Variants in SEMA5A observed in about 807,000 individuals in gnomAD.
SEMA5A encodes semaphorin-5A.
In SEMA5A, 55 loss-of-function variants were observed where a neutral mutation model predicts 135.5. The ratio of observed to expected loss-of-function variants is 0.41; its 90% confidence interval spans 0.33 to 0.51. The LOEUF is 0.51. SEMA5A is among the 20% of genes least tolerant of loss of function. The pLI, the probability that SEMA5A is intolerant of heterozygous loss-of-function variation, is 0.37. For synonymous variants in SEMA5A, 580 were observed against 546.5 expected (o/e 1.06, Z -0.85); for missense variants, 1,290 against 1,419.9 (o/e 0.91, Z 1.47).
chr5:9,439,075 C>T (rs3798017), intron 1 of SEMA5A, among the ~76,000 whole-genome samples: 5,916 of 152,160 alleles, frequency 0.039, 212 homozygotes, highest in South Asian at 0.15. Context: ...CTGCCTGAGA[C>T]GCCCCAGCAG....
At chr5:9,270,204 T>G (rs1749899050) in intron 5 of SEMA5A, among the ~76,000 whole-genome samples, 1 of 152,114 alleles carries the variant, frequency 6.6e-6, no homozygotes, top group South Asian at 2.1e-4. Context: ...TTGTCACAAT[T>G]TGCTGATGGA....
chr5:9,122,112 TA>T (rs1037247548), intron 14 of SEMA5A, among the ~76,000 whole-genome samples: 2 of 151,898 alleles, frequency 1.3e-5, no homozygotes, highest in East Asian at 1.9e-4. Flanking sequence ...AATATAGTTG[TA>T]AAAAAAATAA....
chr5:9,243,312 C>G (rs1466157876), intron 5 of SEMA5A, among the ~76,000 whole-genome samples: 1 of 152,178 alleles, frequency 6.6e-6, no homozygotes, highest in African/African-American at 2.4e-5. Context: ...CCTCACTCAT[C>G]GCATGGTGTT....
intron 2 of SEMA5A, among the ~76,000 whole-genome samples, chr5:9,408,496 C>T (rs1756984075): frequency 6.6e-6 from 1 of 152,140 alleles, no homozygotes; most frequent in Non-Finnish European, 1.5e-5. Context: ...TACTGAATTG[C>T]TCACAAATTA....
At chr5:9,512,633 G>A (rs918388820) in intron 1 of SEMA5A, among the ~76,000 whole-genome samples, 2 of 152,008 alleles carry the variant, frequency 1.3e-5, no homozygotes, top group African/African-American at 2.4e-5. Context: ...TCTGCTGCAC[G>A]GTGTTGAGTA....
At chr5:9,119,181 G>A (rs765266992) in intron 14 of SEMA5A, 40 bp from the exon 15 acceptor site, 2 of 1,601,302 alleles carry the variant, frequency 1.2e-6, no homozygotes, top group African/African-American at 1.3e-5. Flanking sequence ...GGTCCCGCAG[G>A]CTCAGAGTCC....
intron 4 of SEMA5A, among the ~76,000 whole-genome samples, chr5:9,329,524 TAAAGTA>T (rs1181562746): frequency 6.6e-6 from 1 of 152,242 alleles, no homozygotes; most frequent in Admixed American, 6.5e-5. Flanking sequence ...CTTCCTGGCA[TAAAGTA>T]GGTTCAATAA....
intron 5 of SEMA5A, among the ~76,000 whole-genome samples, chr5:9,241,267 C>T (rs554112075): frequency 6.6e-6 from 1 of 152,074 alleles, no homozygotes; most frequent in East Asian, 1.9e-4. Flanking sequence ...TATGCAAATA[C>T]ATTAATTATC....
At chr5:9,311,959 G>A (rs868612961) in intron 5 of SEMA5A, among the ~76,000 whole-genome samples, 18 of 152,106 alleles carry the variant, frequency 1.2e-4, no homozygotes, top group South Asian at 4.2e-4. Flanking sequence ...ATTTATTTCC[G>A]TTAGAAACAA....
chr5:9,221,463 C>G (rs371147232), intron 8 of SEMA5A, among the ~76,000 whole-genome samples: 1 of 151,650 alleles, frequency 6.6e-6, no homozygotes, highest in Non-Finnish European at 1.5e-5. Flanking sequence ...CCACCACGCC[C>G]GGCTAATTTT....
intron 12 of SEMA5A, among the ~76,000 whole-genome samples, chr5:9,148,012 A>G (rs1161641940): frequency 6.6e-6 from 1 of 152,212 alleles, no homozygotes; most frequent in Non-Finnish European, 1.5e-5. Flanking sequence ...ATGTTCCCAC[A>G]GCTTGAATGA....
At chr5:9,479,324 C>T (rs1759785059) in intron 1 of SEMA5A, among the ~76,000 whole-genome samples, 1 of 151,184 alleles carries the variant, frequency 6.6e-6, no homozygotes, top group Non-Finnish European at 1.5e-5. Context: ...AGTTTGAGGT[C>T]AGTGAGCTAT....
At chr5:9,224,534 C>A in intron 8 of SEMA5A, 140 bp downstream of exon 8, 1 of 744,860 alleles carries the variant, frequency 1.3e-6, no homozygotes, top group Non-Finnish European at 2.3e-6. Context: ...TATCATTAGT[C>A]CTGAACAAGC....
At chr5:9,362,964 G>GCCTCA (rs1235445687) in intron 3 of SEMA5A, among the ~76,000 whole-genome samples, 1 of 152,170 alleles carries the variant, frequency 6.6e-6, no homozygotes, top group Non-Finnish European at 1.5e-5. Context: ...CTCAGCGACT[G>GCCTCA]CCTCACCTCA....
chr5:9,305,708 G>GTGTGTATATATATATA (rs1554017498), intron 5 of SEMA5A, among the ~76,000 whole-genome samples: 9 of 139,228 alleles, frequency 6.5e-5, no homozygotes, highest in Admixed American at 6.4e-4. Flanking sequence ...GTGTGTGTGC[G>GTGTGTATATATATATA]TATATATATA....
At chr5:9,080,485 A>G (rs1738316337) in intron 16 of SEMA5A, among the ~76,000 whole-genome samples, 1 of 151,812 alleles carries the variant, frequency 6.6e-6, no homozygotes. Context: ...TGGCACATGT[A>G]TACCTATGTA....
In SEMA5A at chr5:9,036,865, C is replaced by T. The variant is rs192961245; in HGVS notation, c.*6032G>A. Reference sequence around the variant, plus strand: ...AACTTTTTCTAGGAAATTAAACTACCGCACTTACAGAGAGGGAAGAAAATG... The same window carrying T: ...AACTTTTTCTAGGAAATTAAACTACTGCACTTACAGAGAGGGAAGAAAATG... On this transcript the variant is annotated 3_prime_UTR_variant, in exon 23 of 23. Coordinates refer to ENST00000382496, the MANE Select transcript of SEMA5A (RefSeq NM_003966.3). The T allele has an allele frequency of 1.0e-4, 16 of 152,632 alleles. No individual in the cohort carries two copies. The Middle Eastern group carries it at 0.014, about 130-fold the overall frequency. The allele number at this position is 152,632 out of a possible 1,614,324, so 9.5% of individuals were successfully genotyped here. A position where few individuals can be genotyped will look rare whatever the true frequency, so the allele number is the denominator to read the frequency against.
chr5:9,058,206 T>G (rs1020810437), intron 18 of SEMA5A, among the ~76,000 whole-genome samples: 28 of 152,186 alleles, frequency 1.8e-4, no homozygotes, highest in Non-Finnish European at 3.5e-4. Context: ...TCATTCAATA[T>G]TCCATCTCCA....
At chr5:9,296,499 G>A (rs1461822622) in intron 5 of SEMA5A, among the ~76,000 whole-genome samples, 1 of 152,034 alleles carries the variant, frequency 6.6e-6, no homozygotes, top group African/African-American at 2.4e-5. Context: ...AAAAGTCTCT[G>A]TATTCTATTT....
Sources: gnomAD v4.1 joint callset for allele counts (sites outside exome capture counted in the v4.1 genomes callset) on GRCh38, gnomAD v4.1.1 for gene constraint, MANE v1.5 for transcripts, NCBI Gene and HGNC (gene_info 2026-07-23, HGNC 2026-07-21) for gene names.